The following THRB variants were observed in gnomAD, a reference collection of about 807,000 sequenced individuals.
THRB encodes the protein thyroid hormone receptor beta.
Under a neutral mutation model 47.8 loss-of-function variants are expected in THRB, and 12 were observed. That is an observed-to-expected ratio of 0.25 (90% CI 0.16 to 0.41). The LOEUF is 0.41. THRB is among the 10% of genes least tolerant of loss of function. The pLI, the probability that THRB is intolerant of heterozygous loss-of-function variation, is 1.00. For missense variants in THRB, 348 were observed against 589.2 expected (o/e 0.59, Z 4.24); for synonymous variants, 218 against 212.2 (o/e 1.03, Z -0.24).
intron 5 of THRB, among the ~76,000 whole-genome samples, chr3:24,186,138 A>G (rs2042543942): frequency 6.6e-6 from 1 of 152,162 alleles, no homozygotes; most frequent in Non-Finnish European, 1.5e-5. Context: ...AGTATTTTCA[A>G]GCTCGTCATG....
chr3:24,162,013 T>C (rs971148293), intron 5 of THRB, among the ~76,000 whole-genome samples: 8 of 151,846 alleles, frequency 5.3e-5, no homozygotes, highest in Middle Eastern at 6.3e-3. Context: ...CCTAGGAAGG[T>C]TTCTGTTTCA....
chr3:24,468,776 T>C (rs949942872), intron 1 of THRB, among the ~76,000 whole-genome samples: 1 of 152,208 alleles, frequency 6.6e-6, no homozygotes, highest in Non-Finnish European at 1.5e-5. Flanking sequence ...ATTTTAAATG[T>C]TGTGAGAATT....
chr3:24,466,199 T>G (rs2074141285), intron 1 of THRB, among the ~76,000 whole-genome samples: 2 of 152,224 alleles, frequency 1.3e-5, no homozygotes, highest in Non-Finnish European at 2.9e-5. Context: ...CTGATATTTC[T>G]CTTATTAAGA....
intron 2 of THRB, among the ~76,000 whole-genome samples, chr3:24,322,970 G>C (rs537599396): frequency 6.6e-6 from 1 of 152,218 alleles, no homozygotes; most frequent in Admixed American, 6.5e-5. Flanking sequence ...CAGAGCTCAT[G>C]AGTGAATTTG....
At chr3:24,221,477 A>G (rs1375521573) in intron 4 of THRB, among the ~76,000 whole-genome samples, 1 of 152,156 alleles carries the variant, frequency 6.6e-6, no homozygotes, top group African/African-American at 2.4e-5. Flanking sequence ...AGATGAGTTT[A>G]GCAGAGTGGT....
chr3:24,402,111 C>G (rs2067453669), intron 1 of THRB, among the ~76,000 whole-genome samples: 2 of 152,076 alleles, frequency 1.3e-5, no homozygotes, highest in Admixed American at 6.6e-5. Context: ...AGCTCTGCCC[C>G]CAACCCCACC....
intron 1 of THRB, among the ~76,000 whole-genome samples, chr3:24,338,848 T>C (rs1403518083): frequency 2.6e-5 from 4 of 152,252 alleles, no homozygotes; most frequent in African/African-American, 7.2e-5. Flanking sequence ...TTTGGAGTTG[T>C]ATTTATTTAT....
At chr3:24,212,761 C>G (rs1490042903) in intron 4 of THRB, among the ~76,000 whole-genome samples, 1 of 151,952 alleles carries the variant, frequency 6.6e-6, no homozygotes, top group Non-Finnish European at 1.5e-5. Flanking sequence ...CTGAGACAGC[C>G]TGGGAGAAAG....
chr3:24,466,158 T>C (rs1030980670), intron 1 of THRB, among the ~76,000 whole-genome samples: 1 of 152,148 alleles, frequency 6.6e-6, no homozygotes, highest in African/African-American at 2.4e-5. Flanking sequence ...AATGACTTCC[T>C]TCTTTCTATT....
intron 1 of THRB, among the ~76,000 whole-genome samples, chr3:24,381,537 T>C (rs1285709533): frequency 6.6e-6 from 1 of 152,208 alleles, no homozygotes; most frequent in African/African-American, 2.4e-5. Flanking sequence ...GTAAGTTACA[T>C]AGAACTTACT....
rs73148391 is a variant in THRB at position 24,322,057 on chromosome 3, T to C, written c.-189+15243A>G. Among the ~76,000 whole-genome samples the C allele has an allele frequency of 6.6e-3, 1,009 of 152,230 alleles. 8 individuals carry two copies. Among genetic ancestry groups the C allele is most frequent in the African/African-American group, 0.023 (959 of 41,532 alleles). On this transcript the variant is annotated intron_variant, in intron 2 of 10. Transcript: ENST00000646209. Reference sequence around the variant, plus strand: ...ATATTTAGTGGACAGTACTGGGTTATAGTATAAGGCCAAGAAAAATAAGAT... The same window carrying C: ...ATATTTAGTGGACAGTACTGGGTTACAGTATAAGGCCAAGAAAAATAAGAT...
At chr3:24,467,474 T>A (rs114118874) in intron 1 of THRB, among the ~76,000 whole-genome samples, 1 of 152,206 alleles carries the variant, frequency 6.6e-6, no homozygotes, top group Non-Finnish European at 1.5e-5. Flanking sequence ...AATCTCTATC[T>A]ATGCAGCTAT....
intron 5 of THRB, chr3:24,165,283 A>C (rs1264636308): frequency 1.3e-6 from 1 of 765,130 alleles, no homozygotes; most frequent in South Asian, 1.3e-5. Context: ...CGTAATAATC[A>C]GTGGACTGCA....
intron 1 of THRB, among the ~76,000 whole-genome samples, chr3:24,345,831 T>G (rs1486524798): frequency 6.6e-6 from 1 of 152,190 alleles, no homozygotes; most frequent in African/African-American, 2.4e-5. Context: ...GATTGGTTCA[T>G]TGTATTGATT....
chr3:24,266,351 G>T (rs1348051301), intron 3 of THRB, among the ~76,000 whole-genome samples: 1 of 152,116 alleles, frequency 6.6e-6, no homozygotes, highest in Non-Finnish European at 1.5e-5. Flanking sequence ...TGTGGCTCCA[G>T]CTCCTCCACC....
Position 24,431,787 on chromosome 3 carries a change from G to A in THRB, c.-261+62865C>T, listed in dbSNP as rs144779536. 7.2e-5 allele frequency among the ~76,000 whole-genome samples: 11 copies of A among 152,180 alleles called. No individual in the cohort carries two copies. In the East Asian group the frequency reaches 1.6e-3, roughly 21 times the overall value. On this transcript the variant is annotated intron_variant, in intron 1 of 10. Coordinates refer to ENST00000646209, the MANE Select transcript of THRB (RefSeq NM_001354712.2). ...ACAGAACAAAGTGATATATTGCCTA[G>A]CAGAGTATTATACAGCAGTGGAAAA...
At chr3:24,323,851 T>C (rs1291438419) in intron 2 of THRB, among the ~76,000 whole-genome samples, 1 of 152,240 alleles carries the variant, frequency 6.6e-6, no homozygotes, top group African/African-American at 2.4e-5. Context: ...TATCTAATAG[T>C]TCTTTCAAAT....
At chr3:24,283,689 T>C (rs1425275890) in intron 3 of THRB, among the ~76,000 whole-genome samples, 23 of 141,890 alleles carry the variant, frequency 1.6e-4, no homozygotes, top group South Asian at 4.5e-4. Flanking sequence ...AAAACCCCAT[T>C]GTCTCAGCCC....
intron 4 of THRB, among the ~76,000 whole-genome samples, chr3:24,207,466 C>G (rs1386810763): frequency 6.6e-6 from 1 of 152,176 alleles, no homozygotes; most frequent in African/African-American, 2.4e-5. Context: ...TAAAAACTCT[C>G]AATAAATTAG....
Sources: gnomAD v4.1 joint callset for allele counts (sites outside exome capture counted in the v4.1 genomes callset) on GRCh38, gnomAD v4.1.1 for gene constraint, MANE v1.5 for transcripts, NCBI Gene and HGNC (gene_info 2026-07-23, HGNC 2026-07-21) for gene names.